ZNF407: variants seen among roughly 807,000 people sequenced by gnomAD.
ZNF407 encodes zinc finger protein 407.
In ZNF407, 17 loss-of-function variants were observed where a neutral mutation model predicts 131.2. The observed-to-expected ratio is 0.13, with a 90% CI of 0.09 to 0.19. The LOEUF is 0.19. Ranked by LOEUF, ZNF407 falls within the 10% of genes least tolerant of loss-of-function variation. The pLI is 1.00. For synonymous variants in ZNF407, 1,156 were observed against 1,062.0 expected (o/e 1.09, Z -1.72); for missense variants, 2,681 against 2,830.6 (o/e 0.95, Z 1.20).
chr18:74,736,420 G>A (rs1361812648), intron 3 of ZNF407, among the ~76,000 whole-genome samples: 1 of 152,052 alleles, frequency 6.6e-6, no homozygotes, highest in Non-Finnish European at 1.5e-5. Context: ...TAAAATACAG[G>A]TTAACTCATT....
rs1457796514 is a variant in ZNF407, at chr18:74,852,177, A to G, written c.4878-25020A>G. Reference sequence around the variant, plus strand: ...ATGGATGCATGCTACACACACACACACACACACACACACACACACACGCAC... The same window carrying G: ...ATGGATGCATGCTACACACACACACGCACACACACACACACACACACGCAC... On this transcript the variant is annotated intron_variant, in intron 4 of 8. Transcript: ENST00000299687. Among the ~76,000 whole-genome samples, 5 of 110,586 alleles carry G rather than the reference A, an allele frequency of 4.5e-5. No individual in the cohort carries two copies. The South Asian group carries it at 1.7e-3, about 37-fold the overall frequency. The allele number at this position is 110,586 out of a possible 152,430, so 72.5% of individuals were successfully genotyped here. A position where few individuals can be genotyped will look rare whatever the true frequency, so the allele number is the denominator to read the frequency against.
At chr18:74,921,063 A>G in intron 8 of ZNF407, 1 of 944,976 alleles carries the variant, frequency 1.1e-6, no homozygotes, top group Non-Finnish European at 1.3e-6. Flanking sequence ...TTGAAATGTT[A>G]TGCCCTGTTT....
intron 3 of ZNF407, among the ~76,000 whole-genome samples, chr18:74,735,318 T>C (rs1205503252): frequency 2.6e-5 from 4 of 152,220 alleles, no homozygotes; most frequent in African/African-American, 9.6e-5. Flanking sequence ...ACAGTTAAGA[T>C]TGGCAAGTGG....
intron 3 of ZNF407, among the ~76,000 whole-genome samples, chr18:74,758,684 G>C (rs1199490977): frequency 2.0e-5 from 3 of 152,084 alleles, no homozygotes; most frequent in Admixed American, 6.6e-5. Context: ...TCTGTCTCCT[G>C]AGTTCAAGCG....
intron 1 of ZNF407, among the ~76,000 whole-genome samples, chr18:74,613,502 T>C (rs1983153162): frequency 1.3e-5 from 2 of 152,250 alleles, no homozygotes; most frequent in African/African-American, 2.4e-5. Flanking sequence ...TTTGTAGTTA[T>C]GTAATGTCAT....
chr18:74,863,041 C>T (rs1217183223), intron 4 of ZNF407, among the ~76,000 whole-genome samples: 2 of 151,864 alleles, frequency 1.3e-5, no homozygotes, highest in East Asian at 3.9e-4. Context: ...CTGCCTCAGC[C>T]TCCCAAGTAG....
At chr18:74,930,101 A>G (rs1971965383) in intron 8 of ZNF407, among the ~76,000 whole-genome samples, 1 of 152,174 alleles carries the variant, frequency 6.6e-6, no homozygotes, top group Non-Finnish European at 1.5e-5. Flanking sequence ...CATTCCCAGA[A>G]TTCAGCCCAG....
At chr18:74,899,423 G>T (rs78482452) in intron 7 of ZNF407, among the ~76,000 whole-genome samples, 2,945 of 152,224 alleles carry the variant, frequency 0.019, 104 homozygotes, top group African/African-American at 0.066. Flanking sequence ...TCCTTCGGGT[G>T]TGCTGGTCAG....
chr18:74,998,674 C>T (rs541816520), intron 8 of ZNF407, among the ~76,000 whole-genome samples: 19 of 136,780 alleles, frequency 1.4e-4, no homozygotes, highest in Admixed American at 1.5e-4. Flanking sequence ...GTTAGAATGG[C>T]AATCATTAAA....
chr18:74,956,102 T>C (rs1256514339), intron 8 of ZNF407, among the ~76,000 whole-genome samples: 8 of 152,198 alleles, frequency 5.3e-5, no homozygotes, highest in Non-Finnish European at 1.0e-4. Flanking sequence ...TCTTGAAAAG[T>C]TGCTTCTTTC....
chr18:74,950,100 G>C (rs944061564), intron 8 of ZNF407, among the ~76,000 whole-genome samples: 1 of 152,160 alleles, frequency 6.6e-6, no homozygotes, highest in African/African-American at 2.4e-5. Flanking sequence ...CTGAATGCCA[G>C]CTGCATACAG....
At chr18:74,971,312 A>G (rs1972469731) in intron 8 of ZNF407, among the ~76,000 whole-genome samples, 1 of 152,180 alleles carries the variant, frequency 6.6e-6, no homozygotes, top group South Asian at 2.1e-4. Context: ...GCCAGCTTGA[A>G]TTTCTCCCAG....
intron 3 of ZNF407, among the ~76,000 whole-genome samples, chr18:74,727,504 G>A (rs1454067598): frequency 6.6e-6 from 1 of 152,184 alleles, no homozygotes; most frequent in Non-Finnish European, 1.5e-5. Flanking sequence ...CTGTAATGCA[G>A]TACATTGCTG....
chr18:74,630,212 C>T (rs1204920800), intron 1 of ZNF407, among the ~76,000 whole-genome samples: 2 of 149,930 alleles, frequency 1.3e-5, no homozygotes, highest in Non-Finnish European at 1.5e-5. Context: ...GCTCTGTCGC[C>T]CAGGCTGGGG....
chr18:74,918,702 G>C (rs1971806289), intron 7 of ZNF407, among the ~76,000 whole-genome samples: 1 of 151,956 alleles, frequency 6.6e-6, no homozygotes, highest in Non-Finnish European at 1.5e-5. Flanking sequence ...TGTTGTTCTA[G>C]TCCTTTTTTA....
At chr18:74,895,306 C>G (rs1971439516) in intron 7 of ZNF407, among the ~76,000 whole-genome samples, 1 of 151,324 alleles carries the variant, frequency 6.6e-6, no homozygotes, top group African/African-American at 2.4e-5. Flanking sequence ...AGTGTGCTTA[C>G]ATTTTGTAAT....
chr18:74,611,127 ATCAACCGCAGG>A (rs1193489902), intron 1 of ZNF407, among the ~76,000 whole-genome samples: 1 of 152,250 alleles, frequency 6.6e-6, no homozygotes, highest in East Asian at 1.9e-4. Context: ...ACTCACAAAA[ATCAACCGCAGG>A]TCAATTAAAG....
intron 8 of ZNF407, among the ~76,000 whole-genome samples, chr18:75,042,181 A>G (rs1973381825): frequency 6.6e-6 from 1 of 151,836 alleles, no homozygotes; most frequent in East Asian, 1.9e-4. Context: ...GATCATGGGT[A>G]TGAACCACCA....
intron 8 of ZNF407, among the ~76,000 whole-genome samples, chr18:74,951,856 T>C (rs1972218031): frequency 6.6e-6 from 1 of 151,736 alleles, no homozygotes; most frequent in African/African-American, 2.4e-5. Flanking sequence ...CCAAAGTTAA[T>C]TGGAGAATAA....
Sources: allele counts gnomAD v4.1 joint callset (sites outside exome capture counted in the v4.1 genomes callset), GRCh38; gene constraint gnomAD v4.1.1; transcripts MANE v1.5; gene names NCBI Gene and HGNC (gene_info 2026-07-23, HGNC 2026-07-21).